The following FOXK1 variants were observed in gnomAD, a reference collection of about 807,000 sequenced individuals.
FOXK1 encodes forkhead box K1.
Under a neutral mutation model 51.9 loss-of-function variants are expected in FOXK1, and 19 were observed. The observed-to-expected ratio is 0.37, with a 90% CI of 0.26 to 0.54. FOXK1 has a LOEUF of 0.54. Ranked by LOEUF, FOXK1 falls within the 20% of genes least tolerant of loss-of-function variation. The pLI is 0.87. For synonymous variants in FOXK1, 537 were observed against 482.6 expected (o/e 1.11, Z -1.48); for missense variants, 870 against 1,032.7 (o/e 0.84, Z 2.16).
At position 4,730,660 on chromosome 7, in the gene FOXK1, C is replaced by A. The variant is rs1181814413; in HGVS notation, c.561-10178C>A. Reference sequence around the variant, plus strand: ...TGCGGGTTCGTCTGTAACCTGTGTCCCTTCACTGCCATGCACTGCTCTTAG... The same window carrying A: ...TGCGGGTTCGTCTGTAACCTGTGTCACTTCACTGCCATGCACTGCTCTTAG... On this transcript the variant is annotated intron_variant, in intron 1 of 8. Coordinates refer to ENST00000328914, the MANE Select transcript of FOXK1 (RefSeq NM_001037165.2). The surrounding 1 kb of genome is among the most constrained non-coding windows in gnomAD (Gnocchi z 4.7). Among the ~76,000 whole-genome samples, 1 of 152,226 alleles carries A rather than the reference C, an allele frequency of 6.6e-6. No homozygotes were observed. Among genetic ancestry groups the A allele is most frequent in the Non-Finnish European group, 1.5e-5 (1 of 68,038 alleles).
Position 4,707,333 on chromosome 7 carries a change from C to T in FOXK1, c.560+24465C>T, listed in dbSNP as rs986902549. The stretch of plus-strand genomic sequence containing the variant: ...AAACTCTTGTGATGAATGGGCCATC[C>T]GGGATAAACAGATGGGACGGAGAGT... On this transcript the variant is annotated intron_variant, in intron 1 of 8. Transcript: ENST00000328914. The surrounding 1 kb of genome is among the most constrained non-coding windows in gnomAD (Gnocchi z 4.1). Among the ~76,000 whole-genome samples the T allele has an allele frequency of 1.3e-5, 2 of 152,114 alleles. No homozygotes were observed. The highest frequency in any genetic ancestry group is 1.9e-4 in the East Asian group (1 of 5,186).
Position 4,700,649 on chromosome 7 carries a change from CTACAAAAAT to C in FOXK1, c.560+17793_560+17801del, listed in dbSNP as rs560096108. ...TGGGCAACATGGTGAAACCCCGTCT[CTACAAAAAT>C]TACAAAAATTAGCCAGGTGTGGTAT... is the stretch of plus-strand genomic sequence containing the variant. On this transcript the variant is annotated intron_variant, in intron 1 of 8. Transcript: ENST00000328914. Among the ~76,000 whole-genome samples the C allele has an allele frequency of 9.9e-5, 15 of 152,160 alleles. 1 individual carries two copies. The East Asian group carries it at 2.5e-3, about 26-fold the overall frequency.
rs73674027 is a variant in FOXK1, at chr7:4,684,095, G to A, written c.560+1227G>A. Among the ~76,000 whole-genome samples, 836 of 152,244 alleles carry A rather than the reference G, an allele frequency of 5.5e-3. 6 individuals are homozygous for A. Among genetic ancestry groups the A allele is most frequent in the African/African-American group, 0.019 (806 of 41,568 alleles). On this transcript the variant is annotated intron_variant, in intron 1 of 8. Transcript: ENST00000328914. Reference sequence around the variant, plus strand: ...GCCCATTCCGGTTCCCTCCTTTCCAGCTCCACTGCCCTCCGCACCCTCTGC... The same window carrying A: ...GCCCATTCCGGTTCCCTCCTTTCCAACTCCACTGCCCTCCGCACCCTCTGC...
chr7:4,754,413 C>T lies in FOXK1; in HGVS notation c.747-46C>T, dbSNP rs139428544. The T allele has an allele frequency of 3.5e-4, 553 of 1,595,086 alleles. 3 individuals carry two copies. The African/African-American group carries it at 6.0e-3, about 17-fold the overall frequency. ...CTGAAGCCCTGAGCCCCACAGGGGCCCCCTCTTCAGAGCCATGAACTTACA... is the reference window on the plus strand; with the variant it reads ...CTGAAGCCCTGAGCCCCACAGGGGCTCCCTCTTCAGAGCCATGAACTTACA... On this transcript the variant is annotated intron_variant, in intron 2 of 8. Coordinates refer to ENST00000328914, the MANE Select transcript of FOXK1 (RefSeq NM_001037165.2).
At chr7:4,698,166 G>T (rs6968314) in intron 1 of FOXK1, among the ~76,000 whole-genome samples, 1 of 152,014 alleles carries the variant, frequency 6.6e-6, no homozygotes, top group Admixed American at 6.6e-5. Context: ...AAAGTTGCAC[G>T]CCTCCAAAAA....
At chr7:4,720,831 G>A (rs1431991709) in intron 1 of FOXK1, among the ~76,000 whole-genome samples, 1 of 151,270 alleles carries the variant, frequency 6.6e-6, no homozygotes, top group African/African-American at 2.4e-5. Context: ...CGATTCTCCT[G>A]CCTCAGCCTC....
rs1370949701 is a variant in FOXK1 at position 4,682,342 on chromosome 7, G to C, written c.34G>C (p.Ala12Pro). Residue 12 changes from alanine (A) to proline (P), a missense_variant, in exon 1 of 9, where the codon GCC (alanine) becomes CCC (proline). Transcript: ENST00000328914. The surrounding 1 kb of genome is among the most constrained non-coding windows in gnomAD (Gnocchi z 7.6). ...AEVGEDSGAR[A>P]LLALRSAPCS... ...AGTCGGCGAGGACAGCGGCGCCCGC[G>C]CCCTGCTCGCGCTGCGCTCGGCGCC... is the stretch of plus-strand genomic sequence containing the variant. 1.0e-6 allele frequency: 1 copy of C among 993,956 alleles called. No individual in the cohort carries two copies. The allele number at this position is 993,956 out of a possible 1,614,324, so 61.6% of individuals were successfully genotyped here. A position where few individuals can be genotyped will look rare whatever the true frequency, so the allele number is the denominator to read the frequency against.
At chr7:4,700,890 C>A (rs1780012648) in intron 1 of FOXK1, among the ~76,000 whole-genome samples, 1 of 152,202 alleles carries the variant, frequency 6.6e-6, no homozygotes, top group Non-Finnish European at 1.5e-5. Context: ...ATCCCACATA[C>A]ATGCGTCTGT....
At position 4,741,066 on chromosome 7, in the gene FOXK1, G is replaced by C. The variant is rs755969415; in HGVS notation, c.746+43G>C. On this transcript the variant is annotated intron_variant, in intron 2 of 8. Transcript: ENST00000328914. ...CTGCCCTTGGGCCCCCAGGAGAGAGGGGGATGATGCGAGCGTGCCTGTCGT... is the reference window on the plus strand; with the variant it reads ...CTGCCCTTGGGCCCCCAGGAGAGAGCGGGATGATGCGAGCGTGCCTGTCGT... 2.2e-6 allele frequency: 3 copies of C among 1,388,266 alleles called. No individual in the cohort carries two copies. In the African/African-American group the frequency reaches 4.5e-5, roughly 21 times the overall value. The allele number at this position is 1,388,266 out of a possible 1,614,324, so 86.0% of individuals were successfully genotyped here.
intron 1 of FOXK1, among the ~76,000 whole-genome samples, chr7:4,701,130 A>G (rs1780015676): frequency 6.6e-6 from 1 of 152,162 alleles, no homozygotes; most frequent in Admixed American, 6.6e-5. Context: ...CTGGCTGGAG[A>G]ACGGGCTTCC....
Position 4,707,066 on chromosome 7 carries a change from C to T in FOXK1, c.560+24198C>T, listed in dbSNP as rs1259568632. 6.6e-6 allele frequency among the ~76,000 whole-genome samples: 1 copy of T among 152,274 alleles called. No individual in the cohort carries two copies. Among genetic ancestry groups the T allele is most frequent in the Non-Finnish European group, 1.5e-5 (1 of 68,056 alleles). On this transcript the variant is annotated intron_variant, in intron 1 of 8. Transcript: ENST00000328914. This position sits in a 1 kb window ranked among gnomAD's most constrained non-coding sequence, Gnocchi z 4.1. ...ATAAAAGACTAAAAACTAACGGTTG[C>T]TTCCTGCCTTTGTCCGTAATGGCCA...
rs1182910517 is a variant in FOXK1, at chr7:4,709,494, G to A, written c.560+26626G>A. ...GAGGCTGGCCCACCCCTGCTGGCCC[G>A]CGACCCCTGCTGGCAGATCGAGGCT... On this transcript the variant is annotated intron_variant, in intron 1 of 8. Transcript: ENST00000328914. The surrounding 1 kb of genome is among the most constrained non-coding windows in gnomAD (Gnocchi z 5.6). Among the ~76,000 whole-genome samples, 1 of 152,018 alleles carries A rather than the reference G, an allele frequency of 6.6e-6. No individual in the cohort carries two copies. The highest frequency in any genetic ancestry group is 6.6e-5 in the Admixed American group (1 of 15,252).
chr7:4,715,136 G>C lies in FOXK1; in HGVS notation c.561-25702G>C, dbSNP rs147339892. Among the ~76,000 whole-genome samples the C allele has an allele frequency of 7.0e-3, 1,070 of 152,214 alleles. 18 individuals carry two copies. The highest frequency in any genetic ancestry group is 0.024 in the African/African-American group (998 of 41,508). ...CAGCTGGAATTGTGATATAGTGCAC[G>C]GTGGAATTGTGATACGGTACATGGT... On this transcript the variant is annotated intron_variant, in intron 1 of 8. Coordinates refer to ENST00000328914, the MANE Select transcript of FOXK1 (RefSeq NM_001037165.2). The surrounding 1 kb of genome is among the most constrained non-coding windows in gnomAD (Gnocchi z 4.5).
Position 4,745,899 on chromosome 7 carries a change from T to C in FOXK1, c.746+4876T>C, listed in dbSNP as rs28627569. On this transcript the variant is annotated intron_variant, in intron 2 of 8. Transcript: ENST00000328914. This position sits in a 1 kb window ranked among gnomAD's most constrained non-coding sequence, Gnocchi z 4.3. ...GACTCCATCTCAAAAAAAAAAGTGTTTTTAGGAAGGAATTAAAGTATTTAA... is the reference window on the plus strand; with the variant it reads ...GACTCCATCTCAAAAAAAAAAGTGTCTTTAGGAAGGAATTAAAGTATTTAA... Among the ~76,000 whole-genome samples the C allele has an allele frequency of 0.026, 3,900 of 152,140 alleles. 160 individuals carry two copies. The highest frequency in any genetic ancestry group is 0.089 in the African/African-American group (3,675 of 41,500).
rs1436366223 is a variant in FOXK1 at position 4,770,354 on chromosome 7, A to C, written c.*7890A>C. Reference sequence around the variant, plus strand: ...AGACCAGCCTGACCAACATGGTGAAATCCTGTCTCTACTAAAAATACAAAA... The same window carrying C: ...AGACCAGCCTGACCAACATGGTGAACTCCTGTCTCTACTAAAAATACAAAA... On this transcript the variant is annotated 3_prime_UTR_variant, in exon 9 of 9. Transcript: ENST00000328914. 6.6e-6 allele frequency: 1 copy of C among 152,146 alleles called. No individual in the cohort carries two copies. Among genetic ancestry groups the C allele is most frequent in the Non-Finnish European group, 1.5e-5 (1 of 68,032 alleles). The allele number at this position is 152,146 out of a possible 1,614,324, so 9.4% of individuals were successfully genotyped here.
intron 1 of FOXK1, among the ~76,000 whole-genome samples, chr7:4,720,091 G>A (rs1387690044): frequency 2.0e-5 from 3 of 152,136 alleles, no homozygotes; most frequent in Middle Eastern, 3.2e-3. Context: ...CCCAGGTCCT[G>A]AAGGATTTTT....
intron 1 of FOXK1, among the ~76,000 whole-genome samples, chr7:4,708,388 G>A (rs1437025110): frequency 6.6e-6 from 1 of 152,114 alleles, no homozygotes; most frequent in Non-Finnish European, 1.5e-5. Context: ...CTGCTGGTCG[G>A]GGGAAGCTCA....
chr7:4,708,952 C>T (rs1369401907), intron 1 of FOXK1, among the ~76,000 whole-genome samples: 2 of 151,692 alleles, frequency 1.3e-5, no homozygotes, highest in African/African-American at 4.8e-5. Flanking sequence ...GTAGTCCCAG[C>T]TACTCGGGAG....
chr7:4,738,298 G>C (rs1169547874), intron 1 of FOXK1, among the ~76,000 whole-genome samples: 2 of 151,596 alleles, frequency 1.3e-5, no homozygotes, highest in African/African-American at 4.8e-5. Context: ...TTAGCCAGGC[G>C]TGGTGGTGCG....
Sources: gnomAD v4.1 joint callset for allele counts (sites outside exome capture counted in the v4.1 genomes callset) on GRCh38, gnomAD v4.1.1 for gene constraint, Gnocchi (gnomAD v3.1) non-coding constraint, MANE v1.5 for transcripts, NCBI Gene and HGNC (gene_info 2026-07-23, HGNC 2026-07-21) for gene names.